TTC28: variants seen among roughly 807,000 people sequenced by gnomAD.
TTC28 encodes tetratricopeptide repeat domain 28.
A neutral mutation model predicts 198.0 loss-of-function variants in TTC28; 61 were observed. The ratio of observed to expected loss-of-function variants is 0.31; its 90% CI spans 0.25 to 0.38. The LOEUF is 0.38. Ranked by LOEUF, TTC28 falls within the 10% of genes least tolerant of loss-of-function variation. TTC28 has a pLI of 1.00. For missense variants in TTC28, 2,678 were observed against 3,164.0 expected, an observed-to-expected ratio of 0.85 and a Z score of 3.69; for synonymous variants, 1,171 against 1,297.8, an observed-to-expected ratio of 0.90 and a Z score of 2.10.
chr22:28,143,862 T>C (rs1943399664), intron 6 of TTC28, among the ~76,000 whole-genome samples: 1 of 152,204 alleles, frequency 6.6e-6, no homozygotes, highest in South Asian at 2.1e-4. Context: ...TTCCAGCGAA[T>C]CTTACAGCAC....
rs115152472 is a variant in TTC28 at position 28,176,612 on chromosome 22, C to T, written c.934-13013G>A. 3.4e-3 allele frequency among the ~76,000 whole-genome samples: 525 copies of T among 152,222 alleles called. 1 individual carries two copies. The highest frequency in any genetic ancestry group is 0.012 in the African/African-American group (508 of 41,524). On this transcript the variant is annotated intron_variant, in intron 5 of 22. Transcript: ENST00000397906. ...AATAAATGATAAATGCATGAGGTAA[C>T]GGATACACTACTATGACTGGATTAT...
intron 19 of TTC28, 37 bp from the exon 20 acceptor site, chr22:27,990,849 G>GAGAA (rs763819925): frequency 1.3e-6 from 2 of 1,540,066 alleles, no homozygotes; most frequent in African/African-American, 2.7e-5. Flanking sequence ...GAAAGAAAGA[G>GAGAA]AGAAAGAAGA....
At chr22:28,199,530 C>CGTAT (rs1555937410) in intron 5 of TTC28, among the ~76,000 whole-genome samples, 1 of 138,960 alleles carries the variant, frequency 7.2e-6, no homozygotes, top group African/African-American at 2.7e-5. Flanking sequence ...AATACCTATA[C>CGTAT]ATATATATAT....
rs143527855 is a variant in TTC28 at position 28,191,016 on chromosome 22, C to A, written c.934-27417G>T. ...AGTGCATATGAATCTAACCCCTAGG[C>A]CTGGCAAATAACGATTTTCACAATA... is the stretch of plus-strand genomic sequence containing the variant. On this transcript the variant is annotated intron_variant, in intron 5 of 22. Transcript: ENST00000397906. Among the ~76,000 whole-genome samples, 462 of 152,264 alleles carry A rather than the reference C, an allele frequency of 3.0e-3. 6 individuals carry two copies. Among genetic ancestry groups the A allele is most frequent in the African/African-American group, 0.011 (442 of 41,540 alleles).
At chr22:28,405,345 C>A (rs549157112) in intron 2 of TTC28, among the ~76,000 whole-genome samples, 1 of 152,156 alleles carries the variant, frequency 6.6e-6, no homozygotes, top group Non-Finnish European at 1.5e-5. Context: ...TATTCCTGAG[C>A]AAACCACAAT....
chr22:28,143,509 G>C (rs1383210803), intron 6 of TTC28, among the ~76,000 whole-genome samples: 1 of 152,150 alleles, frequency 6.6e-6, no homozygotes, highest in Non-Finnish European at 1.5e-5. Flanking sequence ...GAGAAATAAT[G>C]AATGTGAGAA....
intron 2 of TTC28, among the ~76,000 whole-genome samples, chr22:28,600,277 C>T (rs541756107): frequency 3.3e-5 from 5 of 151,940 alleles, no homozygotes; most frequent in East Asian, 3.9e-4. Flanking sequence ...TGGTGGCACA[C>T]GCCTGTAGTC....
chr22:28,165,708 C>T (rs1476415164), intron 5 of TTC28, among the ~76,000 whole-genome samples: 3 of 152,150 alleles, frequency 2.0e-5, no homozygotes, highest in African/African-American at 4.8e-5. Flanking sequence ...CAACTGGTAC[C>T]AGCCACTGCA....
intron 2 of TTC28, among the ~76,000 whole-genome samples, chr22:28,396,567 C>A (rs1198142068): frequency 6.6e-6 from 1 of 152,156 alleles, no homozygotes; most frequent in African/African-American, 2.4e-5. Flanking sequence ...TTTCCCTTTG[C>A]CCTTTAACAT....
intron 2 of TTC28, among the ~76,000 whole-genome samples, chr22:28,596,113 G>T (rs1221275283): frequency 1.3e-5 from 2 of 152,156 alleles, no homozygotes; most frequent in Non-Finnish European, 2.9e-5. Flanking sequence ...GACTAAAGAT[G>T]GCTAGGTGGT....
chr22:28,435,907 G>A (rs1207263328), intron 2 of TTC28, among the ~76,000 whole-genome samples: 1 of 152,166 alleles, frequency 6.6e-6, no homozygotes, highest in Non-Finnish European at 1.5e-5. Flanking sequence ...GATATCACAT[G>A]ATCAGTTGTG....
intron 2 of TTC28, among the ~76,000 whole-genome samples, chr22:28,444,916 A>T (rs2047680488): frequency 6.6e-6 from 1 of 152,218 alleles, no homozygotes; most frequent in African/African-American, 2.4e-5. Context: ...AGTAACTCCA[A>T]TACTCTGTAT....
At chr22:28,471,945 T>C (rs1459236764) in intron 2 of TTC28, among the ~76,000 whole-genome samples, 1 of 152,172 alleles carries the variant, frequency 6.6e-6, no homozygotes, top group Non-Finnish European at 1.5e-5. Context: ...TTTGAGTCTC[T>C]GGAGTGCAGT....
rs561995170 is a variant in TTC28, at chr22:28,416,938, T to C, written c.382-110295A>G. Among the ~76,000 whole-genome samples, 8 of 152,342 alleles carry C rather than the reference T, an allele frequency of 5.3e-5. No homozygotes were observed. The South Asian group carries it at 1.5e-3, about 28-fold the overall frequency. ...CATAGAAAATGCCACATCCATAGCA[T>C]ATCCATAATATTAATAACTTTCCAT... On this transcript the variant is annotated intron_variant, in intron 2 of 22. Transcript: ENST00000397906.
chr22:28,325,069 A>AC (rs60131262), intron 2 of TTC28, among the ~76,000 whole-genome samples: 129,709 of 150,656 alleles, frequency 0.86, 56,122 homozygotes, highest in East Asian at 0.99. Flanking sequence ...TCCTCCTTGT[A>AC]CTCTGGTTGA....
At chr22:28,379,772 A>T (rs2046467686) in intron 2 of TTC28, among the ~76,000 whole-genome samples, 1 of 152,192 alleles carries the variant, frequency 6.6e-6, no homozygotes, top group Admixed American at 6.5e-5. Context: ...ATTTTATGTT[A>T]TGTGTATTTT....
chr22:28,550,365 C>T (rs868031486), intron 2 of TTC28, among the ~76,000 whole-genome samples: 2 of 152,134 alleles, frequency 1.3e-5, no homozygotes, highest in African/African-American at 4.8e-5. Flanking sequence ...TCATTATCCT[C>T]ATTCAAGCTA....
At chr22:28,231,095 T>A (rs897317975) in intron 5 of TTC28, among the ~76,000 whole-genome samples, 1 of 152,190 alleles carries the variant, frequency 6.6e-6, no homozygotes, top group Non-Finnish European at 1.5e-5. Flanking sequence ...CTTTCAACAA[T>A]CTGTTCATGC....
At chr22:28,066,606 T>A (rs1360675751) in intron 12 of TTC28, among the ~76,000 whole-genome samples, 1 of 152,190 alleles carries the variant, frequency 6.6e-6, no homozygotes, top group African/African-American at 2.4e-5. Context: ...TTAAAAATGG[T>A]TCTTTATTTT....
Sources: allele counts gnomAD v4.1 joint callset (sites outside exome capture counted in the v4.1 genomes callset), GRCh38; gene constraint gnomAD v4.1.1; transcripts MANE v1.5; gene names NCBI Gene and HGNC (gene_info 2026-07-23, HGNC 2026-07-21).